Variants in CRYZ observed in about 807,000 individuals in gnomAD.
CRYZ encodes crystallin zeta.
A neutral mutation model predicts 34.1 loss-of-function variants in CRYZ; 35 were observed. The observed-to-expected ratio is 1.03, with a 90% CI of 0.78 to 1.36. CRYZ has a LOEUF of 1.36. Ranked by LOEUF, CRYZ falls within the 40% of genes most tolerant of loss-of-function variation. The probability of loss-of-function intolerance (pLI) is 0.00; values close to 1 mark genes in which losing one functional copy is unlikely to be tolerated. For synonymous variants in CRYZ, 137 were observed against 136.5 expected, an observed-to-expected ratio of 1.00 and a Z score of -0.03; for missense variants, 403 against 391.8, an observed-to-expected ratio of 1.03 and a Z score of -0.24.
chr1:74,728,851 G>A (rs964860049), intron 1 of CRYZ, among the ~76,000 whole-genome samples: 6 of 152,140 alleles, frequency 3.9e-5, no homozygotes, highest in Admixed American at 6.5e-5. Flanking sequence ...GGTGGTCCTC[G>A]GGGAAAAACA....
rs1161149614 is a variant in CRYZ at position 74,710,106 on chromosome 1, T to A, written c.622A>T (p.Lys208Ter). 1.2e-5 allele frequency: 19 copies of A among 1,611,774 alleles called. No homozygotes were observed. Among genetic ancestry groups the A allele is most frequent in the Non-Finnish European group, 1.4e-5 (17 of 1,178,974 alleles). ...ACAGTGGAAAATTTTACCTTAATTT[T>A]ATCAATGTAATTCACTTCTCTGTGA... ...FNHREVNYID[K>*]IKKYVGEKGI... Residue 208 changes from lysine to a stop codon, truncating the protein, a stop_gained, in exon 6 of 9, where the codon AAA becomes TAA. Coordinates refer to ENST00000340866, the MANE Select transcript of CRYZ (RefSeq NM_001889.4). LOFTEE classifies it high-confidence loss of function.
chr1:74,714,013 C>CT (rs1286345542), intron 5 of CRYZ, among the ~76,000 whole-genome samples: 1 of 151,992 alleles, frequency 6.6e-6, no homozygotes, highest in African/African-American at 2.4e-5. Flanking sequence ...CTGAGTCCTC[C>CT]TCCCCCATTC....
chr1:74,710,122 T>C lies in CRYZ; in HGVS notation c.606A>G (p.Glu202=). 1.9e-6 allele frequency: 3 copies of C among 1,613,586 alleles called. No homozygotes were observed. The highest frequency in any genetic ancestry group is 2.5e-6 in the Non-Finnish European group (3 of 1,179,678). The change falls in exon 6 of 9, where the codon GAA becomes GAG. Residue 202 remains glutamate (E), a synonymous_variant. Transcript: ENST00000340866. ...NGAHEVFNHR[E]VNYIDKIKKY... is the part of the protein sequence containing the mutation. ...CCTTAATTTTATCAATGTAATTCAC[T>C]TCTCTGTGATTGAACACTTCATGGG...
intron 1 of CRYZ, among the ~76,000 whole-genome samples, chr1:74,729,718 T>G (rs1365027394): frequency 3.3e-5 from 5 of 152,056 alleles, no homozygotes; most frequent in African/African-American, 1.2e-4. Flanking sequence ...TCTATAGTTC[T>G]ATAATCATCT....
rs530065220 is a variant in CRYZ, at chr1:74,712,174, T to C, written c.481-1927A>G. On this transcript the variant is annotated intron_variant, in intron 5 of 8. Coordinates refer to ENST00000340866, the MANE Select transcript of CRYZ (RefSeq NM_001889.4). ...ACTTAAATAACAATACTAGGAAATA[T>C]ATCTGATTAGATGACAAATGATGGT... Among the ~76,000 whole-genome samples, 3 of 152,348 alleles carry C rather than the reference T, an allele frequency of 2.0e-5. No individual in the cohort carries two copies. The East Asian group carries it at 5.8e-4, about 29-fold the overall frequency.
In CRYZ at chr1:74,719,330, A is replaced by T. The variant is rs1647122365; in HGVS notation, c.307T>A (p.Tyr103Asn). 4.3e-6 allele frequency: 7 copies of T among 1,613,494 alleles called. No homozygotes were observed. The highest frequency in any genetic ancestry group is 5.9e-6 in the Non-Finnish European group (7 of 1,179,568). Reference sequence around the variant, plus strand: ...TCTGCTGCAAGAGCATACTCTGCATAACCCCCAGAGATCGTGCTGCTAGTG... The same window carrying T: ...TCTGCTGCAAGAGCATACTCTGCATTACCCCCAGAGATCGTGCTGCTAGTG... ...VFTSSTISGG[Y>N]AEYALAADHT... The change falls in exon 4 of 9, where the codon TAT (tyrosine) becomes AAT (asparagine). Residue 103 changes from tyrosine to asparagine, a missense_variant. Transcript: ENST00000340866.
chr1:74,716,195 CGCGTGTGTGT>C (rs1647071720), intron 4 of CRYZ, among the ~76,000 whole-genome samples: 1 of 147,150 alleles, frequency 6.8e-6, no homozygotes, highest in African/African-American at 2.5e-5. Flanking sequence ...AATCTGTGTG[CGCGTGTGTGT>C]GTGTGTGTGT....
chr1:74,716,434 C>A (rs748285025), intron 4 of CRYZ, among the ~76,000 whole-genome samples: 3 of 152,074 alleles, frequency 2.0e-5, no homozygotes, highest in Non-Finnish European at 4.4e-5. Flanking sequence ...CCTTTACCAT[C>A]TTCTAGTCAC....
At chr1:74,714,471 A>C in intron 5 of CRYZ, 108 bp downstream of exon 5, 1 of 1,028,584 alleles carries the variant, frequency 9.7e-7, no homozygotes, top group South Asian at 1.6e-5. Flanking sequence ...GAAAAAAAGC[A>C]CCTTTGACTC....
chr1:74,720,198 C>T (rs1170867290), intron 3 of CRYZ, among the ~76,000 whole-genome samples: 8 of 151,912 alleles, frequency 5.3e-5, no homozygotes, highest in Middle Eastern at 3.2e-3. Flanking sequence ...AAGTTTCTTC[C>T]GCACACCAAA....
In CRYZ at chr1:74,706,210, G is replaced by T; in HGVS notation, c.*86C>A. ...ACATAAGAAGCTCATGGAATCGAAT[G>T]TTAATTAAAGAAAAGATAGGGTAAG... On this transcript the variant is annotated 3_prime_UTR_variant, in exon 9 of 9. Coordinates refer to ENST00000340866, the MANE Select transcript of CRYZ (RefSeq NM_001889.4). The T allele has an allele frequency of 8.7e-7, 1 of 1,154,892 alleles. No individual in the cohort carries two copies. The highest frequency in any genetic ancestry group is 1.2e-6 in the Non-Finnish European group (1 of 842,348). 71.5% of individuals were successfully genotyped at this position (1,154,892 alleles called of 1,614,324 possible).
chr1:74,720,328 C>T (rs371117764), intron 3 of CRYZ, among the ~76,000 whole-genome samples: 2 of 152,078 alleles, frequency 1.3e-5, no homozygotes, highest in Non-Finnish European at 2.9e-5. Flanking sequence ...CCCAGGACAG[C>T]CTTCTTCTTG....
In CRYZ at chr1:74,724,768, C is replaced by A. The variant is rs1051122; in HGVS notation, c.54G>T (p.Gly18=). The A allele has an allele frequency of 6.2e-7, 1 of 1,613,306 alleles. No homozygotes were observed. The highest frequency in any genetic ancestry group is 8.5e-7 in the Non-Finnish European group (1 of 1,179,664). The change falls in exon 2 of 9, where the codon GGG becomes GGT. Residue 18 remains glycine (G), a synonymous_variant. Coordinates refer to ENST00000340866, the MANE Select transcript of CRYZ (RefSeq NM_001889.4). ...MRAVRVFEFG[G]PEVLKLRSDI... is the part of the protein sequence containing the mutation. ...CTGATCGCAATTTCAGGACTTCTGG[C>A]CCACCAAATTCAAAAACTCTAACAG... is the stretch of plus-strand genomic sequence containing the variant.
intron 6 of CRYZ, chr1:74,708,394 A>G (rs1219743986): frequency 6.6e-6 from 1 of 152,154 alleles, no homozygotes; most frequent in African/African-American, 2.4e-5. Context: ...CTCTCCTCAT[A>G]AAGCTTCCAT....
At chr1:74,708,436 G>A in intron 6 of CRYZ, 1 of 152,016 alleles carries the variant, frequency 6.6e-6, no homozygotes, top group East Asian at 1.9e-4. Context: ...TTTTTAAGAG[G>A]GAGATGACAG....
At chr1:74,715,415 C>T (rs939930322) in intron 4 of CRYZ, among the ~76,000 whole-genome samples, 2 of 152,188 alleles carry the variant, frequency 1.3e-5, no homozygotes, top group African/African-American at 4.8e-5. Flanking sequence ...AGATCTGACT[C>T]TCAGGAAGGC....
chr1:74,708,447 C>A (rs1299188052), intron 6 of CRYZ: 1 of 151,872 alleles, frequency 6.6e-6, no homozygotes, highest in African/African-American at 2.4e-5. Context: ...GAGATGACAG[C>A]ATAGATAAAA....
At chr1:74,731,169 A>G (rs528163356) in intron 1 of CRYZ, among the ~76,000 whole-genome samples, 1 of 152,314 alleles carries the variant, frequency 6.6e-6, no homozygotes, top group Admixed American at 6.5e-5. Flanking sequence ...AATATGCCTT[A>G]CAAATCTAGG....
chr1:74,713,579 T>G (rs1647032681), intron 5 of CRYZ, among the ~76,000 whole-genome samples: 1 of 152,124 alleles, frequency 6.6e-6, no homozygotes, highest in Non-Finnish European at 1.5e-5. Context: ...AAGCTAGGTG[T>G]GAAACCTCGT....
Sources: allele counts gnomAD v4.1 joint callset (sites outside exome capture counted in the v4.1 genomes callset), GRCh38; gene constraint gnomAD v4.1.1; transcripts MANE v1.5; gene names NCBI Gene and HGNC (gene_info 2026-07-23, HGNC 2026-07-21).